The following FARS2 variants were observed in gnomAD, a reference collection of about 807,000 sequenced individuals.
FARS2 encodes phenylalanine--tRNA ligase, mitochondrial.
A neutral mutation model predicts 46.4 loss-of-function variants in FARS2; 40 were observed. The ratio of observed to expected loss-of-function variants is 0.86; its 90% CI spans 0.67 to 1.12. The LOEUF (loss-of-function observed/expected upper bound fraction) is 1.12. Ranked by LOEUF, FARS2 falls within the 50% of genes most tolerant of loss-of-function variation. The pLI is 0.00. For missense variants in FARS2, 513 were observed against 567.9 expected (o/e 0.90, Z 0.98); for synonymous variants, 234 against 214.9 (o/e 1.09, Z -0.78).
chr6:5,709,697 T>TGTGTGTGTGTGTGCGC (rs148741094), intron 6 of FARS2, among the ~76,000 whole-genome samples: 2 of 91,502 alleles, frequency 2.2e-5, no homozygotes, highest in Non-Finnish European at 4.8e-5. Context: ...TGTGTGTGTG[T>TGTGTGTGTGTGTGCGC]GCGCATGCAC....
intron 5 of FARS2, among the ~76,000 whole-genome samples, chr6:5,604,153 G>T (rs549811597): frequency 1.6e-4 from 25 of 152,122 alleles, no homozygotes; most frequent in Admixed American, 2.6e-4. Context: ...GATGAGCTGC[G>T]GTTCAAGTCT....
intron 3 of FARS2, among the ~76,000 whole-genome samples, chr6:5,414,563 T>C (rs145593826): frequency 0.012 from 1,823 of 152,328 alleles, 15 homozygotes; most frequent in Middle Eastern, 0.024. Flanking sequence ...TTGAGATTCA[T>C]GCATTTTGTA....
chr6:5,725,229 G>A (rs930481949), intron 6 of FARS2, among the ~76,000 whole-genome samples: 5 of 152,240 alleles, frequency 3.3e-5, no homozygotes, highest in Non-Finnish European at 5.9e-5. Context: ...TGGGGATGGC[G>A]TGATGACTTT....
intron 4 of FARS2, chr6:5,452,219 G>A (rs1764537719): frequency 6.6e-6 from 1 of 152,264 alleles, no homozygotes; most frequent in Non-Finnish European, 1.5e-5. Context: ...GTAGATGGGT[G>A]TAGCACAGTA....
chr6:5,662,263 A>G (rs1777884803), intron 6 of FARS2, among the ~76,000 whole-genome samples: 2 of 152,136 alleles, frequency 1.3e-5, no homozygotes. Flanking sequence ...CCATCCTTGC[A>G]GTGCATTGCA....
upstream of FARS2, chr6:5,260,969 G>C: frequency 8.1e-7 from 1 of 1,241,822 alleles, no homozygotes. Context: ...TAAGGGGGCG[G>C]TGCTGGGAGG....
At chr6:5,530,531 A>C (rs1016116910) in intron 4 of FARS2, among the ~76,000 whole-genome samples, 5 of 151,934 alleles carry the variant, frequency 3.3e-5, no homozygotes, top group Non-Finnish European at 4.4e-5. Context: ...TGATAACTGT[A>C]CTATGGATAT....
intron 1 of FARS2, among the ~76,000 whole-genome samples, chr6:5,273,487 C>G (rs991977008): frequency 6.7e-6 from 1 of 148,384 alleles, no homozygotes; most frequent in Non-Finnish European, 1.5e-5. Context: ...CTATTGAGAT[C>G]TTTGGCCCAA....
the FARS2 span, among the ~76,000 whole-genome samples, chr6:5,255,906 A>G: frequency 6.6e-6 from 1 of 152,326 alleles, no homozygotes; most frequent in African/African-American, 2.4e-5. Flanking sequence ...GTATTCCTAG[A>G]TAATTCATCT....
chr6:5,456,599 G>A (rs1407683667), intron 4 of FARS2, among the ~76,000 whole-genome samples: 1 of 151,810 alleles, frequency 6.6e-6, no homozygotes, highest in Non-Finnish European at 1.5e-5. Context: ...CAGGCTTGGT[G>A]GTGCGTGCCT....
intron 6 of FARS2, among the ~76,000 whole-genome samples, chr6:5,749,322 GTGACATGATCAGAT>G (rs1761815785): frequency 2.0e-5 from 3 of 152,244 alleles, no homozygotes; most frequent in Non-Finnish European, 4.4e-5. Context: ...TCAGCAGGGT[GTGACATGATCAGAT>G]TGATGTTTTT....
At chr6:5,716,241 A>G (rs1422121218) in intron 6 of FARS2, among the ~76,000 whole-genome samples, 1 of 152,230 alleles carries the variant, frequency 6.6e-6, no homozygotes, top group Non-Finnish European at 1.5e-5. Flanking sequence ...ATTATTACAT[A>G]TAGAGTGCTC....
chr6:5,351,854 G>T (rs1249902160), intron 1 of FARS2, among the ~76,000 whole-genome samples: 1 of 152,160 alleles, frequency 6.6e-6, no homozygotes, highest in Non-Finnish European at 1.5e-5. Context: ...CTTAGTGTTG[G>T]ACAGTCAAGT....
chr6:5,709,671 G>GGTGTGTGTGTGT lies in FARS2; in HGVS notation c.1218-61604_1218-61593dup, dbSNP rs771506886. 2.5e-3 allele frequency among the ~76,000 whole-genome samples: 242 copies of GGTGTGTGTGTGT among 97,232 alleles called. 3 individuals carry two copies. Among genetic ancestry groups the GGTGTGTGTGTGT allele is most frequent in the African/African-American group, 7.9e-3 (225 of 28,474 alleles). The allele number at this position is 97,232 out of a possible 152,430, so 63.8% of individuals were successfully genotyped here. ...TGGTCCCCTGTTGATGTTCCAAGAG[G>GGTGTGTGTGTGT]GTGTGTGTGTGTGTGTGTGTGTGTG... On this transcript the variant is annotated intron_variant, in intron 6 of 6. Transcript: ENST00000274680.
At chr6:5,767,054 T>A (rs1340727664) in intron 6 of FARS2, among the ~76,000 whole-genome samples, 1 of 151,680 alleles carries the variant, frequency 6.6e-6, no homozygotes, top group African/African-American at 2.4e-5. Flanking sequence ...TGTTAATCCA[T>A]CCAAAAAAAA....
At chr6:5,581,966 T>C (rs1462714876) in intron 5 of FARS2, among the ~76,000 whole-genome samples, 1 of 134,252 alleles carries the variant, frequency 7.4e-6, no homozygotes, top group African/African-American at 2.8e-5. Flanking sequence ...TGTGCTTTTA[T>C]AAATGGTCAC....
chr6:5,287,681 A>G (rs1257219881), intron 1 of FARS2, among the ~76,000 whole-genome samples: 3 of 152,222 alleles, frequency 2.0e-5, no homozygotes, highest in Admixed American at 2.0e-4. Flanking sequence ...GACCTCATAG[A>G]ATGCCACAAA....
At chr6:5,272,235 A>G (rs76604743) in intron 1 of FARS2, among the ~76,000 whole-genome samples, 4 of 152,206 alleles carry the variant, frequency 2.6e-5, no homozygotes, top group Non-Finnish European at 5.9e-5. Context: ...GTGCAGTGGG[A>G]TGAGGTACTT....
intron 4 of FARS2, among the ~76,000 whole-genome samples, chr6:5,493,036 C>G (rs1561660514): frequency 2.0e-5 from 3 of 151,994 alleles, no homozygotes; most frequent in Admixed American, 2.0e-4. Flanking sequence ...TGCTATGGCC[C>G]TGTATTCTGT....
Sources: allele counts gnomAD v4.1 joint callset (sites outside exome capture counted in the v4.1 genomes callset), GRCh38; gene constraint gnomAD v4.1.1; transcripts MANE v1.5; gene names NCBI Gene and HGNC (gene_info 2026-07-23, HGNC 2026-07-21).